TPCN1: variants seen among roughly 807,000 people sequenced by gnomAD.
The protein encoded by TPCN1 is two pore channel protein 1.
TPCN1 carries 52 observed loss-of-function variants against 108.8 expected under a neutral mutation model. The observed-to-expected ratio is 0.48, with a 90% CI of 0.38 to 0.60. The LOEUF (loss-of-function observed/expected upper bound fraction) is 0.60, where lower values mean the gene tolerates loss of function less well. Ranked by LOEUF, TPCN1 falls within the 20% of genes least tolerant of loss-of-function variation. The pLI, the probability that TPCN1 is intolerant of heterozygous loss-of-function variation, is 0.00. For missense variants in TPCN1, 806 were observed against 1,072.8 expected, an observed-to-expected ratio of 0.75 and a Z score of 3.47; for synonymous variants, 446 against 433.7, an observed-to-expected ratio of 1.03 and a Z score of -0.35.
intron 14 of TPCN1, 43 bp from the exon 15 acceptor site, chr12:113,280,108 A>C: frequency 6.8e-7 from 1 of 1,468,692 alleles, no homozygotes; most frequent in Non-Finnish European, 9.5e-7. Flanking sequence ...TAGGGGGAAC[A>C]AGTGCGTAAA....
rs780054905 is a variant in TPCN1, at chr12:113,268,739, C to T, written c.529-3C>T. ...GACGGTGCTCCATGCCTGCCACCCACAGACCTCGGTGCTGGTGGTGCAGTT... is the reference window on the plus strand; with the variant it reads ...GACGGTGCTCCATGCCTGCCACCCATAGACCTCGGTGCTGGTGGTGCAGTT... On this transcript the variant is annotated splice_polypyrimidine_tract_variant and splice_region_variant and intron_variant, in intron 5 of 27. Coordinates refer to ENST00000335509, the MANE Select transcript of TPCN1 (RefSeq NM_017901.6). This position sits in a 1 kb window ranked among gnomAD's most constrained non-coding sequence, Gnocchi z 7.3. The T allele has an allele frequency of 1.2e-6, 2 of 1,613,288 alleles. No individual in the cohort carries two copies. The highest frequency in any genetic ancestry group is 1.7e-6 in the Non-Finnish European group (2 of 1,179,940).
Position 113,266,486 on chromosome 12 carries a change from G to A in TPCN1, c.414+130G>A. Reference sequence around the variant, plus strand: ...GACTTAAAACAGAGAGATACGAGGTGGTCATAGAGGCCTTGGGAGCGGAAA... The same window carrying A: ...GACTTAAAACAGAGAGATACGAGGTAGTCATAGAGGCCTTGGGAGCGGAAA... On this transcript the variant is annotated intron_variant, in intron 4 of 27. Transcript: ENST00000335509. The surrounding 1 kb of genome is among the most constrained non-coding windows in gnomAD (Gnocchi z 4.2). 8.0e-7 allele frequency: 1 copy of A among 1,245,250 alleles called. No individual in the cohort carries two copies. Among genetic ancestry groups the A allele is most frequent in the Non-Finnish European group, 1.1e-6 (1 of 893,564 alleles). 77.1% of individuals were successfully genotyped at this position (1,245,250 alleles called of 1,614,324 possible).
rs781522098 is a variant in TPCN1 at position 113,268,754 on chromosome 12, G to A, written c.541G>A (p.Val181Met). The A allele has an allele frequency of 1.9e-6, 3 of 1,613,764 alleles. No individual in the cohort carries two copies. The highest frequency in any genetic ancestry group is 2.2e-5 in the South Asian group (2 of 91,050). ...CTGCCACCCACAGACCTCGGTGCTG[G>A]TGGTGCAGTTTGTCGAGGCCATCGT... Reference protein sequence around the residue: ...KRTMVKTSVLVVQFVEAIVVL... With the variant: ...KRTMVKTSVLMVQFVEAIVVL... Residue 181 changes from valine to methionine, a missense_variant, in exon 6 of 28, where the codon GTG becomes ATG. Physicochemically the swap from Val to Met is conservative, Grantham distance 21. Transcript: ENST00000335509. This position sits in a 1 kb window ranked among gnomAD's most constrained non-coding sequence, Gnocchi z 7.3.
chr12:113,293,360 G>A lies in TPCN1; in HGVS notation c.2334+11G>A, dbSNP rs372989099. On this transcript the variant is annotated intron_variant, in intron 27 of 27. Coordinates refer to ENST00000335509, the MANE Select transcript of TPCN1 (RefSeq NM_017901.6). ...CAGGAGGAGATCCAGGTAGGAGCCT[G>A]GCCGACCACGCTGCGAATCCTCCCC... is the stretch of plus-strand genomic sequence containing the variant. 6.2e-7 allele frequency: 1 copy of A among 1,613,282 alleles called. No individual in the cohort carries two copies. The highest frequency in any genetic ancestry group is 8.5e-7 in the Non-Finnish European group (1 of 1,179,728).
intron 15 of TPCN1, among the ~76,000 whole-genome samples, chr12:113,281,135 G>T (rs1237431552): frequency 6.6e-6 from 1 of 152,182 alleles, no homozygotes; most frequent in Admixed American, 6.5e-5. Flanking sequence ...TGCCTCCCAG[G>T]TTCTAAGTGA....
intron 7 of TPCN1, among the ~76,000 whole-genome samples, chr12:113,271,891 G>A (rs1955514653): frequency 6.6e-6 from 1 of 152,186 alleles, no homozygotes; most frequent in African/African-American, 2.4e-5. Context: ...AGAGTCACAG[G>A]GCATAGACAT....
Position 113,284,544 on chromosome 12 carries a change from G to A in TPCN1, c.1343-37G>A. ...GACCTGCAGATTTCTAAGCCCCCCTGTTATTTCTCTGTCTTTTACGGGCCT... is the reference window on the plus strand; with the variant it reads ...GACCTGCAGATTTCTAAGCCCCCCTATTATTTCTCTGTCTTTTACGGGCCT... On this transcript the variant is annotated intron_variant, in intron 15 of 27. Coordinates refer to ENST00000335509, the MANE Select transcript of TPCN1 (RefSeq NM_017901.6). This position sits in a 1 kb window ranked among gnomAD's most constrained non-coding sequence, Gnocchi z 4.1. 2 of 1,612,798 alleles carry A rather than the reference G, an allele frequency of 1.2e-6. No individual in the cohort carries two copies. The highest frequency in any genetic ancestry group is 1.7e-6 in the Non-Finnish European group (2 of 1,179,438).
At chr12:113,277,630 A>AC (rs1182704004) in intron 12 of TPCN1, among the ~76,000 whole-genome samples, 1 of 152,064 alleles carries the variant, frequency 6.6e-6, no homozygotes, top group Non-Finnish European at 1.5e-5. Context: ...TGGCCCTCGA[A>AC]CCCCCAGTGG....
chr12:113,288,439 T>C lies in TPCN1; in HGVS notation c.1706+205T>C. 6.7e-7 allele frequency: 1 copy of C among 1,486,426 alleles called. No individual in the cohort carries two copies. Among genetic ancestry groups the C allele is most frequent in the Non-Finnish European group, 8.9e-7 (1 of 1,120,030 alleles). 92.1% of individuals were successfully genotyped at this position (1,486,426 alleles called of 1,614,324 possible). A position where few individuals can be genotyped will look rare whatever the true frequency, so the allele number is the denominator to read the frequency against. On this transcript the variant is annotated intron_variant, in intron 20 of 27. Coordinates refer to ENST00000335509, the MANE Select transcript of TPCN1 (RefSeq NM_017901.6). This position sits in a 1 kb window ranked among gnomAD's most constrained non-coding sequence, Gnocchi z 4.8. ...TCTCCACTGACCTGTCTGACATATT[T>C]AGTAGGGAGGGCAGGGAGCTGTCAA...
chr12:113,224,740 A>G (rs1172137347), intron 1 of TPCN1, among the ~76,000 whole-genome samples: 1 of 150,674 alleles, frequency 6.6e-6, no homozygotes, highest in Non-Finnish European at 1.5e-5. Flanking sequence ...TTGTCATTTA[A>G]TTTAATTAAA....
At chr12:113,277,205 G>T (rs772597451) in intron 11 of TPCN1, 35 bp from the exon 12 acceptor site, 1 of 1,611,186 alleles carries the variant, frequency 6.2e-7, no homozygotes, top group Non-Finnish European at 8.5e-7. Context: ...AAGGGGAGTA[G>T]CCTGGGTTCC....
At position 113,290,239 on chromosome 12, in the gene TPCN1, C is replaced by T; in HGVS notation, c.1908C>T (p.Ser636=). ...YLNNFDNILN[S]FVTLFELTVV... ...ATAATTTTGACAACATCCTCAACAG[C>T]TTTGGTGAGTGGGAAAAATCACAGG... is the stretch of plus-strand genomic sequence containing the variant. Residue 636 remains serine (S), a synonymous_variant, in exon 22 of 28, where the codon AGC becomes AGT. Coordinates refer to ENST00000335509, the MANE Select transcript of TPCN1 (RefSeq NM_017901.6). 1 of 1,588,790 alleles carries T rather than the reference C, an allele frequency of 6.3e-7. No homozygotes were observed. The highest frequency in any genetic ancestry group is 1.3e-5 in the African/African-American group (1 of 74,634).
intron 2 of TPCN1, among the ~76,000 whole-genome samples, chr12:113,258,256 C>G (rs988136753): frequency 5.3e-5 from 8 of 152,116 alleles, no homozygotes; most frequent in Non-Finnish European, 1.2e-4. Context: ...CACTTGAGGT[C>G]AGGAGTTTAA....
intron 1 of TPCN1, among the ~76,000 whole-genome samples, chr12:113,222,681 A>G (rs144415929): frequency 1.3e-5 from 2 of 152,366 alleles, no homozygotes; most frequent in Admixed American, 6.5e-5. Context: ...ATGGTGGCAG[A>G]TATCATGAAA....
chr12:113,221,859 C>G (rs1953242606), intron 1 of TPCN1, among the ~76,000 whole-genome samples: 1 of 152,188 alleles, frequency 6.6e-6, no homozygotes, highest in African/African-American at 2.4e-5. Context: ...CACGTGGGCT[C>G]CCAGCCAGGG....
intron 2 of TPCN1, among the ~76,000 whole-genome samples, chr12:113,233,594 C>T (rs1303918981): frequency 1.3e-5 from 2 of 152,234 alleles, no homozygotes; most frequent in South Asian, 2.1e-4. Flanking sequence ...TCCTCTGGTT[C>T]GGACATCCTC....
rs1001409971 is a variant in TPCN1 at position 113,269,525 on chromosome 12, G to C, written c.660-232G>C. On this transcript the variant is annotated intron_variant, in intron 6 of 27. Coordinates refer to ENST00000335509, the MANE Select transcript of TPCN1 (RefSeq NM_017901.6). This position sits in a 1 kb window ranked among gnomAD's most constrained non-coding sequence, Gnocchi z 5.0. ...CTTGCATGGCACTCACCTCCTTGGG[G>C]CCTCACCAGGTGGAGGTGGCTGTGT... Among the ~76,000 whole-genome samples, 4 of 152,158 alleles carry C rather than the reference G, an allele frequency of 2.6e-5. No individual in the cohort carries two copies. Among genetic ancestry groups the C allele is most frequent in the Non-Finnish European group, 5.9e-5 (4 of 68,030 alleles).
rs1254270345 is a variant in TPCN1, at chr12:113,296,998, G to GA, written c.*923dup. The GA allele has an allele frequency of 1.3e-5, 2 of 152,400 alleles. No homozygotes were observed. Among genetic ancestry groups the GA allele is most frequent in the Non-Finnish European group, 2.9e-5 (2 of 68,076 alleles). 9.4% of individuals were successfully genotyped at this position (152,400 alleles called of 1,614,324 possible). A position where few individuals can be genotyped will look rare whatever the true frequency, so the allele number is the denominator to read the frequency against. ...CTTCACACGTGTGCACTAGGAACAGGAGCGAACAGCACAGAGAGACGCTCC... is the reference window on the plus strand; with the variant it reads ...CTTCACACGTGTGCACTAGGAACAGGAAGCGAACAGCACAGAGAGACGCTCC... On this transcript the variant is annotated 3_prime_UTR_variant, in exon 28 of 28. Coordinates refer to ENST00000335509, the MANE Select transcript of TPCN1 (RefSeq NM_017901.6).
At chr12:113,267,794 G>C (rs1185810735) in intron 4 of TPCN1, 49 bp from the exon 5 acceptor site, 1 of 1,311,984 alleles carries the variant, frequency 7.6e-7, no homozygotes, top group Non-Finnish European at 1.1e-6. Flanking sequence ...AAGAGGAGTG[G>C]CCATGGGCTG....
Sources: allele counts gnomAD v4.1 joint callset (sites outside exome capture counted in the v4.1 genomes callset), GRCh38; gene constraint gnomAD v4.1.1; non-coding constraint Gnocchi (gnomAD v3.1); transcripts MANE v1.5; gene names NCBI Gene and HGNC (gene_info 2026-07-23, HGNC 2026-07-21).